OTUD7A: variants seen among roughly 807,000 people sequenced by gnomAD.
The protein encoded by OTUD7A is OTU domain-containing protein 7A.
A neutral mutation model predicts 65.7 loss-of-function variants in OTUD7A; 12 were observed. The ratio of observed to expected loss-of-function variants is 0.18; its 90% CI spans 0.12 to 0.30. OTUD7A has a LOEUF of 0.30. Ranked by LOEUF, OTUD7A falls within the 10% of genes least tolerant of loss-of-function variation. The pLI is 1.00. For synonymous variants in OTUD7A, 641 were observed against 586.3 expected, an observed-to-expected ratio of 1.09 and a Z score of -1.35; for missense variants, 1,148 against 1,304.8, an observed-to-expected ratio of 0.88 and a Z score of 1.85.
chr15:31,486,753 G>A lies in OTUD7A; in HGVS notation c.1371+441C>T, dbSNP rs538111216. On this transcript the variant is annotated intron_variant, in intron 12 of 12. Coordinates refer to ENST00000307050, the MANE Select transcript of OTUD7A (RefSeq NM_001382637.1). Reference sequence around the variant, plus strand: ...TCTCAGTTCCCTGGCTTTTTTTGAGGACCCACACGGTTTGTAATTAATTCC... The same window carrying A: ...TCTCAGTTCCCTGGCTTTTTTTGAGAACCCACACGGTTTGTAATTAATTCC... Among the ~76,000 whole-genome samples the A allele has an allele frequency of 2.6e-5, 4 of 152,324 alleles. No individual in the cohort carries two copies. The East Asian group carries it at 7.7e-4, about 29-fold the overall frequency.
At chr15:31,815,055 G>A (rs1337068630) in intron 1 of OTUD7A, among the ~76,000 whole-genome samples, 2 of 152,016 alleles carry the variant, frequency 1.3e-5, no homozygotes, top group Non-Finnish European at 2.9e-5. Flanking sequence ...GGAGACAACT[G>A]GGTTTCTTCA....
chr15:31,598,403 G>A (rs564662884), intron 3 of OTUD7A, among the ~76,000 whole-genome samples: 3 of 152,210 alleles, frequency 2.0e-5, no homozygotes, highest in Non-Finnish European at 2.9e-5. Flanking sequence ...CAAGGGGTCG[G>A]GGAATTCTCT....
chr15:31,496,348 C>T (rs1028974382), intron 10 of OTUD7A, among the ~76,000 whole-genome samples: 1 of 151,754 alleles, frequency 6.6e-6, no homozygotes, highest in African/African-American at 2.4e-5. Flanking sequence ...CAGCCTCCTG[C>T]GTAGCTGGGA....
chr15:31,856,774 C>T lies in OTUD7A; in HGVS notation c.-100+13733G>A, dbSNP rs575916723. The stretch of plus-strand genomic sequence containing the variant: ...TTTGAACAATTCTTTGGTATGCTCC[C>T]TAAAAAGGAAAGAACACAAGGAAAT... On this transcript the variant is annotated intron_variant, in intron 1 of 12. Transcript: ENST00000307050. Among the ~76,000 whole-genome samples, 7 of 152,322 alleles carry T rather than the reference C, an allele frequency of 4.6e-5. No individual in the cohort carries two copies. In the South Asian group the frequency reaches 1.2e-3, roughly 27 times the overall value.
chr15:31,822,737 A>G (rs1896714741), intron 1 of OTUD7A, among the ~76,000 whole-genome samples: 1 of 152,228 alleles, frequency 6.6e-6, no homozygotes, highest in East Asian at 1.9e-4. Context: ...CTTCATCTCT[A>G]ATCCAGGCAG....
chr15:31,852,144 A>G (rs1897444294), intron 1 of OTUD7A, among the ~76,000 whole-genome samples: 1 of 152,234 alleles, frequency 6.6e-6, no homozygotes, highest in Non-Finnish European at 1.5e-5. Flanking sequence ...GGCATGAGCC[A>G]CTGCGCCCAG....
In OTUD7A at chr15:31,782,235, C is replaced by G. The variant is rs190850410; in HGVS notation, c.-100+88272G>C. The stretch of plus-strand genomic sequence containing the variant: ...AGGGCCTGTGGTACTGAGGGAGGTG[C>G]CAAGAGTAATGTGAGACAGCCATCA... On this transcript the variant is annotated intron_variant, in intron 1 of 12. Transcript: ENST00000307050. 3.3e-5 allele frequency among the ~76,000 whole-genome samples: 5 copies of G among 152,242 alleles called. No homozygotes were observed. In the East Asian group the frequency reaches 9.6e-4, roughly 29 times the overall value.
intron 1 of OTUD7A, among the ~76,000 whole-genome samples, chr15:31,867,471 A>G (rs1468194444): frequency 6.6e-6 from 1 of 152,102 alleles, no homozygotes; most frequent in Non-Finnish European, 1.5e-5. Context: ...TTACTTCCTA[A>G]GTGGACATCC....
intron 1 of OTUD7A, among the ~76,000 whole-genome samples, chr15:31,831,961 G>A (rs566770855): frequency 1.3e-5 from 2 of 152,208 alleles, no homozygotes; most frequent in East Asian, 4.0e-4. Flanking sequence ...CCTGGCGGAA[G>A]GGCTGGGGCA....
chr15:31,757,119 C>T lies in OTUD7A; in HGVS notation c.-99-100042G>A, dbSNP rs59432915. On this transcript the variant is annotated intron_variant, in intron 1 of 12. Transcript: ENST00000307050. Reference sequence around the variant, plus strand: ...ACCCAACTTCACTGTGCTGTCATATCCACTCCCATACCCCAGCTCCTGCTT... The same window carrying T: ...ACCCAACTTCACTGTGCTGTCATATTCACTCCCATACCCCAGCTCCTGCTT... Among the ~76,000 whole-genome samples the T allele has an allele frequency of 0.015, 2,283 of 152,166 alleles. 182 individuals are homozygous for T. The East Asian group carries it at 0.22, about 15-fold the overall frequency.
rs1429360217 is a variant in OTUD7A at position 31,483,241 on chromosome 15, G to A, written c.*53C>T. ...CATGTAAAAAAGACACCGACACAAT[G>A]GAAAAGAAATCCTCGAAGGTAGAAC... On this transcript the variant is annotated 3_prime_UTR_variant, in exon 13 of 13. Coordinates refer to ENST00000307050, the MANE Select transcript of OTUD7A (RefSeq NM_001382637.1). 5.7e-6 allele frequency: 6 copies of A among 1,059,402 alleles called. No individual in the cohort carries two copies. The African/African-American group carries it at 8.5e-5, about 15-fold the overall frequency. 65.6% of individuals were successfully genotyped at this position (1,059,402 alleles called of 1,614,324 possible).
intron 1 of OTUD7A, among the ~76,000 whole-genome samples, chr15:31,744,564 T>C (rs1438107252): frequency 6.6e-6 from 1 of 152,094 alleles, no homozygotes; most frequent in Non-Finnish European, 1.5e-5. Context: ...CCTCCTGCAA[T>C]ACAGGGCATT....
chr15:31,719,448 C>T (rs1386622603), intron 1 of OTUD7A, among the ~76,000 whole-genome samples: 1 of 151,972 alleles, frequency 6.6e-6, no homozygotes. Flanking sequence ...TTTGTTCAGA[C>T]CAAAGATGCA....
At chr15:31,678,572 T>C (rs1302670531) in intron 1 of OTUD7A, among the ~76,000 whole-genome samples, 3 of 152,194 alleles carry the variant, frequency 2.0e-5, no homozygotes, top group African/African-American at 4.8e-5. Flanking sequence ...AACGGGCCAA[T>C]GTACAGCTCA....
chr15:31,597,461 C>T (rs968786162), intron 3 of OTUD7A, among the ~76,000 whole-genome samples: 2 of 151,284 alleles, frequency 1.3e-5, no homozygotes, highest in Non-Finnish European at 2.9e-5. Context: ...GGAGGCAGAG[C>T]GTCAAGGCCC....
At chr15:31,676,587 T>C (rs1441860018) in intron 1 of OTUD7A, among the ~76,000 whole-genome samples, 4 of 152,162 alleles carry the variant, frequency 2.6e-5, no homozygotes, top group Non-Finnish European at 1.5e-5. Flanking sequence ...CCTGTGACCA[T>C]GAGGGACGGG....
chr15:31,797,449 A>G (rs1386584252), intron 1 of OTUD7A, among the ~76,000 whole-genome samples: 4 of 152,202 alleles, frequency 2.6e-5, no homozygotes, highest in African/African-American at 9.6e-5. Flanking sequence ...TACCGAGTCT[A>G]AGCACAGCTG....
At chr15:31,743,249 C>T (rs572359635) in intron 1 of OTUD7A, among the ~76,000 whole-genome samples, 27 of 151,828 alleles carry the variant, frequency 1.8e-4, no homozygotes, top group African/African-American at 6.5e-4. Context: ...TGAGATAACA[C>T]AGAATATGTC....
At chr15:31,759,523 T>A (rs925296491) in intron 1 of OTUD7A, among the ~76,000 whole-genome samples, 1 of 152,250 alleles carries the variant, frequency 6.6e-6, no homozygotes, top group African/African-American at 2.4e-5. Flanking sequence ...GCTTACCACA[T>A]TGGCATGCAT....
Sources: gnomAD v4.1 joint callset for allele counts (sites outside exome capture counted in the v4.1 genomes callset) on GRCh38, gnomAD v4.1.1 for gene constraint, MANE v1.5 for transcripts, NCBI Gene and HGNC (gene_info 2026-07-23, HGNC 2026-07-21) for gene names.